LDB2: variants seen among roughly 807,000 people sequenced by gnomAD.
LDB2 encodes the protein LIM domain binding 2.
A neutral mutation model predicts 44.3 loss-of-function variants in LDB2; 12 were observed. The observed-to-expected ratio is 0.27, with a 90% confidence interval of 0.17 to 0.44. LDB2 has a LOEUF of 0.44. LDB2 is among the 20% of genes least tolerant of loss of function. LDB2 has a pLI of 1.00. For synonymous variants in LDB2, 164 were observed against 174.8 expected (o/e 0.94, Z 0.49); for missense variants, 344 against 473.5 (o/e 0.73, Z 2.54).
chr4:16,558,657 C>T (rs1296507736), intron 5 of LDB2, among the ~76,000 whole-genome samples: 2 of 152,152 alleles, frequency 1.3e-5, no homozygotes, highest in Admixed American at 6.5e-5. Context: ...TCCAGGAGAA[C>T]TTCCCCAATC....
At chr4:16,627,262 G>A (rs1016401831) in intron 2 of LDB2, among the ~76,000 whole-genome samples, 8 of 152,058 alleles carry the variant, frequency 5.3e-5, no homozygotes, top group African/African-American at 1.4e-4. Flanking sequence ...AATCATCATC[G>A]AAGATACTAT....
intron 1 of LDB2, among the ~76,000 whole-genome samples, chr4:16,849,034 T>C (rs1371134303): frequency 6.6e-6 from 1 of 152,196 alleles, no homozygotes; most frequent in Non-Finnish European, 1.5e-5. Context: ...AAATCCCAAA[T>C]TGAAAATTGA....
intron 2 of LDB2, among the ~76,000 whole-genome samples, chr4:16,710,923 C>T (rs560048930): frequency 1.3e-5 from 2 of 152,282 alleles, no homozygotes; most frequent in South Asian, 4.2e-4. Context: ...TGGCTCTGCC[C>T]TTATTGCCTG....
At chr4:16,560,551 T>G (rs961438514) in intron 5 of LDB2, among the ~76,000 whole-genome samples, 4 of 152,092 alleles carry the variant, frequency 2.6e-5, no homozygotes, top group South Asian at 4.2e-4. Flanking sequence ...CCAATAACAG[T>G]CTCTGAAATT....
chr4:16,730,910 C>T (rs748827158), intron 2 of LDB2, among the ~76,000 whole-genome samples: 2 of 152,146 alleles, frequency 1.3e-5, no homozygotes, highest in Non-Finnish European at 2.9e-5. Flanking sequence ...TATTCTTATC[C>T]CCCTTGACTG....
intron 2 of LDB2, among the ~76,000 whole-genome samples, chr4:16,609,149 G>T (rs1257690365): frequency 6.6e-6 from 1 of 152,170 alleles, no homozygotes; most frequent in Non-Finnish European, 1.5e-5. Context: ...ACACAGGGAA[G>T]GGGAACCACC....
chr4:16,680,805 A>G (rs1333294727), intron 2 of LDB2, among the ~76,000 whole-genome samples: 1 of 152,222 alleles, frequency 6.6e-6, no homozygotes, highest in East Asian at 1.9e-4. Flanking sequence ...AACAAACAAG[A>G]ACCCTCCTAC....
intron 2 of LDB2, among the ~76,000 whole-genome samples, chr4:16,718,219 G>A (rs550329495): frequency 6.6e-6 from 1 of 152,068 alleles, no homozygotes; most frequent in African/African-American, 2.4e-5. Context: ...TGGGGAAATA[G>A]AGACAAATAA....
chr4:16,719,329 T>C (rs1054666351), intron 2 of LDB2, among the ~76,000 whole-genome samples: 5 of 152,112 alleles, frequency 3.3e-5, no homozygotes, highest in African/African-American at 9.7e-5. Context: ...AGTGTGTACA[T>C]AGAGCCATGA....
intron 5 of LDB2, among the ~76,000 whole-genome samples, chr4:16,515,624 A>G (rs1249325987): frequency 6.6e-6 from 1 of 152,220 alleles, no homozygotes; most frequent in African/African-American, 2.4e-5. Context: ...AATGGTAAGA[A>G]AAGCTTCAGA....
chr4:16,562,512 T>G (rs1742769362), intron 5 of LDB2, among the ~76,000 whole-genome samples: 2 of 152,100 alleles, frequency 1.3e-5, no homozygotes, highest in African/African-American at 4.8e-5. Context: ...AAAACCACAA[T>G]GAGATACCAT....
At chr4:16,896,637 C>T (rs1026399301) in intron 1 of LDB2, among the ~76,000 whole-genome samples, 5 of 151,884 alleles carry the variant, frequency 3.3e-5, no homozygotes, top group Non-Finnish European at 5.9e-5. Flanking sequence ...AAGAATTGAG[C>T]CATAATGGTC....
chr4:16,805,933 C>T (rs1191546868), intron 1 of LDB2, among the ~76,000 whole-genome samples: 2 of 152,166 alleles, frequency 1.3e-5, no homozygotes, highest in Non-Finnish European at 2.9e-5. Flanking sequence ...AAACCATAGG[C>T]TGTCCTGAAG....
At chr4:16,761,008 G>GTT (rs201649974) in intron 1 of LDB2, among the ~76,000 whole-genome samples, 8 of 145,174 alleles carry the variant, frequency 5.5e-5, no homozygotes, top group South Asian at 2.2e-4. Context: ...TGTGTGTGTG[G>GTT]TTTTTTTTTT....
At chr4:16,704,735 G>A (rs1425715965) in intron 2 of LDB2, among the ~76,000 whole-genome samples, 1 of 152,198 alleles carries the variant, frequency 6.6e-6, no homozygotes, top group Non-Finnish European at 1.5e-5. Context: ...CATGCTATGT[G>A]TGTTCTCTAT....
At chr4:16,635,525 C>T (rs974495861) in intron 2 of LDB2, among the ~76,000 whole-genome samples, 1 of 152,130 alleles carries the variant, frequency 6.6e-6, no homozygotes, top group Admixed American at 6.5e-5. Flanking sequence ...GGGAGTTATC[C>T]ATGCAAACCC....
At chr4:16,768,131 G>T (rs1240489272) in intron 1 of LDB2, among the ~76,000 whole-genome samples, 12 of 151,910 alleles carry the variant, frequency 7.9e-5, no homozygotes, top group Non-Finnish European at 2.9e-5. Context: ...CTTGTCATGT[G>T]GTACACATAC....
At chr4:16,640,389 A>C (rs1204645300) in intron 2 of LDB2, among the ~76,000 whole-genome samples, 3 of 152,218 alleles carry the variant, frequency 2.0e-5, no homozygotes, top group African/African-American at 7.2e-5. Context: ...TGAAATATGA[A>C]GGACCTTCTA....
chr4:16,847,090 G>A (rs1015219629), intron 1 of LDB2, among the ~76,000 whole-genome samples: 3 of 152,080 alleles, frequency 2.0e-5, no homozygotes, highest in Non-Finnish European at 4.4e-5. Flanking sequence ...TGAGGTTCTA[G>A]TTAGTTGGAC....
Sources: allele counts gnomAD v4.1 joint callset (sites outside exome capture counted in the v4.1 genomes callset), GRCh38; gene constraint gnomAD v4.1.1; transcripts MANE v1.5; gene names NCBI Gene and HGNC (gene_info 2026-07-23, HGNC 2026-07-21).